Variants in TMEM225 observed in about 807,000 individuals in gnomAD.
The protein encoded by TMEM225 is PMP22 claudin domain-containing protein.
Under a neutral mutation model 17.6 loss-of-function variants are expected in TMEM225, and 10 were observed. The ratio of observed to expected loss-of-function variants is 0.57; its 90% CI spans 0.35 to 0.96. The LOEUF (loss-of-function observed/expected upper bound fraction) is 0.96, where lower values mean the gene tolerates loss of function less well. TMEM225 is among the 40% of genes least tolerant of loss of function. TMEM225 has a pLI of 0.02. For synonymous variants in TMEM225, 101 were observed against 94.5 expected, an observed-to-expected ratio of 1.07 and a Z score of -0.40; for missense variants, 245 against 271.5, an observed-to-expected ratio of 0.90 and a Z score of 0.69.
At chr11:123,883,968 A>G in intron 3 of TMEM225, 107 bp downstream of exon 3, 1 of 1,265,662 alleles carries the variant, frequency 7.9e-7, no homozygotes. Context: ...GCAGCCTTTT[A>G]AAATGCAAGG....
chr11:123,883,498 T>G, intron 3 of TMEM225, 146 bp from the exon 4 acceptor site: 1 of 618,840 alleles, frequency 1.6e-6, no homozygotes, highest in African/African-American at 1.8e-5. Context: ...AATGCTTTAG[T>G]GGAAGAAACC....
chr11:123,884,450 G>A (rs1863011525), intron 2 of TMEM225, 40 bp downstream of exon 2: 4 of 1,573,516 alleles, frequency 2.5e-6, no homozygotes, highest in Non-Finnish European at 2.6e-6. Flanking sequence ...ACCCATCAAA[G>A]TACACCTACA....
At position 123,883,195 on chromosome 11, in the gene TMEM225, G is replaced by A. The variant is rs1368690167; in HGVS notation, c.621C>T (p.His207=). Residue 207 remains histidine, a synonymous_variant, in exon 4 of 4, where the codon CAC becomes CAT. Transcript: ENST00000375026. ...CTTTTTTGTTTAGGGAATTCACAGT[G>A]TGTGCACGGACAATGCTACGAGGCA... The part of the protein sequence containing the change: ...TAMPRSIVRA[H]TVNSLNKKVQ... 1.2e-6 allele frequency: 2 copies of A among 1,613,524 alleles called. No homozygotes were observed. Among genetic ancestry groups the A allele is most frequent in the South Asian group, 1.1e-5 (1 of 91,070 alleles).
Position 123,885,397 on chromosome 11 carries a change from T to G in TMEM225, c.29A>C (p.Gln10Pro), listed in dbSNP as rs116693665. ...GGAGGAGAAAAGTATGTTCATACCCTGGATACTTCTATTTGAAACATGCAC... is the reference window on the plus strand; with the variant it reads ...GGAGGAGAAAAGTATGTTCATACCCGGGATACTTCTATTTGAAACATGCAC... Reference protein sequence around the residue: MVHVSNRSIQGMNILFSSWA... With the variant: MVHVSNRSIPGMNILFSSWA... Residue 10 changes from glutamine to proline, a missense_variant, in exon 1 of 4, where the codon CAG becomes CCG. Gln to Pro is a moderately conservative substitution (Grantham distance 76). Transcript: ENST00000375026. The G allele has an allele frequency of 2.2e-4, 347 of 1,612,892 alleles. No homozygotes were observed. In the East Asian group the frequency reaches 7.1e-3, roughly 33 times the overall value.
intron 3 of TMEM225, 112 bp downstream of exon 3, chr11:123,883,963 C>G: frequency 8.3e-7 from 1 of 1,206,456 alleles, no homozygotes; most frequent in Non-Finnish European, 1.1e-6. Context: ...GAGCTGCAGC[C>G]TTTTAAAATG....
chr11:123,883,376 G>A (rs1287225238), intron 3 of TMEM225, 24 bp from the exon 4 acceptor site: 1 of 1,541,590 alleles, frequency 6.5e-7, no homozygotes, highest in Non-Finnish European at 9.0e-7. Context: ...ATTCCAGGGA[G>A]TGGGATGAAG....
At chr11:123,883,389 A>C in intron 3 of TMEM225, 37 bp from the exon 4 acceptor site, 1 of 1,473,386 alleles carries the variant, frequency 6.8e-7, no homozygotes, top group Non-Finnish European at 9.5e-7. Context: ...GGATGAAGGG[A>C]CAATGGAGAG....
chr11:123,884,178 A>G lies in TMEM225; in HGVS notation c.360T>C (p.Tyr120=), dbSNP rs1247213242. The change falls in exon 3 of 4, where the codon TAT becomes TAC. Residue 120 remains tyrosine, a synonymous_variant. Coordinates refer to ENST00000375026, the MANE Select transcript of TMEM225 (RefSeq NM_001013743.3). ...GISLLWALIL[Y]HNKLKQGQSM... ...ATTGACCTTGCTTCAGCTTATTGTG[A>G]TATAGTATGAGTGCCCAGAGCAGAG... 6.3e-7 allele frequency: 1 copy of G among 1,599,816 alleles called. No individual in the cohort carries two copies. Among genetic ancestry groups the G allele is most frequent in the South Asian group, 1.1e-5 (1 of 90,466 alleles).
chr11:123,883,777 C>T (rs1018629246), intron 3 of TMEM225, among the ~76,000 whole-genome samples: 4 of 152,068 alleles, frequency 2.6e-5, no homozygotes, highest in Non-Finnish European at 4.4e-5. Context: ...GTCTCAGACA[C>T]CCACCTTGGT....
intron 1 of TMEM225, 145 bp downstream of exon 1, chr11:123,885,100 A>G (rs2137478630): frequency 1.3e-6 from 1 of 752,806 alleles, no homozygotes; most frequent in South Asian, 1.9e-5. Flanking sequence ...TGTATTGACT[A>G]TGGAAGGAAG....
At chr11:123,884,929 A>G (rs1262736489) in intron 1 of TMEM225, among the ~76,000 whole-genome samples, 8 of 152,282 alleles carry the variant, frequency 5.3e-5, no homozygotes, top group Middle Eastern at 3.4e-3. Flanking sequence ...AATACAGATT[A>G]CTTAATGCCA....
chr11:123,885,355 A>C lies in TMEM225; in HGVS notation c.71T>G (p.Met24Arg). The stretch of plus-strand genomic sequence containing the variant: ...TTTATCTAAGGTGATTCCCATCACC[A>C]TTAAGACTACGGCCCAGGAGGAGAA... ...ILFSSWAVVL[M>R]VMGITLDKWV... Residue 24 changes from methionine to arginine, a missense_variant, in exon 1 of 4, where the codon ATG becomes AGG. Physicochemically the swap from Met to Arg is moderately conservative, Grantham distance 91. Transcript: ENST00000375026. The C allele has an allele frequency of 6.2e-7, 1 of 1,613,394 alleles. No homozygotes were observed. Among genetic ancestry groups the C allele is most frequent in the Non-Finnish European group, 8.5e-7 (1 of 1,179,490 alleles).
chr11:123,883,652 G>A (rs1182786430), intron 3 of TMEM225, among the ~76,000 whole-genome samples: 1 of 152,098 alleles, frequency 6.6e-6, no homozygotes, highest in African/African-American at 2.4e-5. Flanking sequence ...GGAGACTTCG[G>A]TTTCGGTAGA....
intron 3 of TMEM225, among the ~76,000 whole-genome samples, chr11:123,883,775 C>T (rs1012643598): frequency 2.0e-5 from 3 of 152,108 alleles, no homozygotes; most frequent in Admixed American, 1.3e-4. Flanking sequence ...CTGTCTCAGA[C>T]ACCCACCTTG....
chr11:123,884,222 C>CAGAAAAAAAAA lies in TMEM225; in HGVS notation c.329-14_329-13insTTTTTTTTTCT. 8.1e-7 allele frequency: 1 copy of CAGAAAAAAAAA among 1,230,852 alleles called. No individual in the cohort carries two copies. Among genetic ancestry groups the CAGAAAAAAAAA allele is most frequent in the Non-Finnish European group, 1.0e-6 (1 of 977,798 alleles). 76.2% of individuals were successfully genotyped at this position (1,230,852 alleles called of 1,614,324 possible). On this transcript the variant is annotated splice_polypyrimidine_tract_variant and intron_variant, in intron 2 of 3. Coordinates refer to ENST00000375026, the MANE Select transcript of TMEM225 (RefSeq NM_001013743.3). ...AGCAGAGAGATACCTGATGTCCAGA[C>CAGAAAAAAAAA]AAAAAAAAAAAAAAAAAAAGAAAAA...
chr11:123,884,379 A>C (rs1229628681), intron 2 of TMEM225, 111 bp downstream of exon 2: 1 of 1,304,524 alleles, frequency 7.7e-7, no homozygotes, highest in East Asian at 2.5e-5. Context: ...CTTTTATGGT[A>C]GATCTAACTC....
chr11:123,885,298 G>A lies in TMEM225; in HGVS notation c.128C>T (p.Ala43Val), dbSNP rs1436400931. 6.2e-7 allele frequency: 1 copy of A among 1,613,664 alleles called. No homozygotes were observed. The highest frequency in any genetic ancestry group is 2.2e-5 in the East Asian group (1 of 44,864). The stretch of plus-strand genomic sequence containing the variant: ...CATCCAAGGACTGTGGTTCATCTTG[G>A]CTCTTTCATCTTCTGAAATCAATTC... Reference protein sequence around the residue: ...WVELISEDERAKMNHSPWMMC... With the variant: ...WVELISEDERVKMNHSPWMMC... The change falls in exon 1 of 4, where the codon GCC (alanine) becomes GTC (valine). Residue 43 changes from alanine (A) to valine (V), a missense_variant. Ala to Val is a moderately conservative substitution (Grantham distance 64). Coordinates refer to ENST00000375026, the MANE Select transcript of TMEM225 (RefSeq NM_001013743.3).
chr11:123,885,326 C>T lies in TMEM225; in HGVS notation c.100G>A (p.Val34Ile). The change falls in exon 1 of 4, where the codon GTT becomes ATT. Residue 34 changes from valine to isoleucine, a missense_variant. Transcript: ENST00000375026. The stretch of plus-strand genomic sequence containing the variant: ...CTTTCATCTTCTGAAATCAATTCAA[C>T]CCATTTATCTAAGGTGATTCCCATC... ...MVMGITLDKW[V>I]ELISEDERAK... The T allele has an allele frequency of 6.2e-7, 1 of 1,613,666 alleles. No homozygotes were observed. The highest frequency in any genetic ancestry group is 8.5e-7 in the Non-Finnish European group (1 of 1,179,726).
In TMEM225 at chr11:123,883,352, C is replaced by G; in HGVS notation, c.464G>C (p.Gly155Ala). 1.9e-6 allele frequency: 3 copies of G among 1,607,186 alleles called. No individual in the cohort carries two copies. Among genetic ancestry groups the G allele is most frequent in the South Asian group, 1.1e-5 (1 of 90,872 alleles). ...YLNVFFLSVC[G>A]VLSLLECKLS... The stretch of plus-strand genomic sequence containing the variant: ...CTTGCACTCTAGGAGAGAGAGGACT[C>G]CTAGGGAAAAGAGATTCCAGGGAGT... The change falls in exon 4 of 4, where the codon GGA becomes GCA. Residue 155 changes from glycine (G) to alanine (A), a missense_variant and splice_region_variant. Transcript: ENST00000375026.
Sources: allele counts gnomAD v4.1 joint callset (sites outside exome capture counted in the v4.1 genomes callset), GRCh38; gene constraint gnomAD v4.1.1; transcripts MANE v1.5; gene names NCBI Gene and HGNC (gene_info 2026-07-23, HGNC 2026-07-21).